Variants in MGST1 observed in about 807,000 individuals in gnomAD.
MGST1 encodes glutathione S-transferase 12.
Under a neutral mutation model 8.9 loss-of-function variants are expected in MGST1, and 5 were observed. The ratio of observed to expected loss-of-function variants is 0.56; its 90% CI spans 0.29 to 1.19. MGST1 has a LOEUF of 1.19. Ranked by LOEUF, MGST1 falls within the 50% of genes most tolerant of loss-of-function variation. The pLI is 0.08. For missense variants in MGST1, 182 were observed against 187.4 expected (o/e 0.97, Z 0.17); for synonymous variants, 54 against 67.8 (o/e 0.80, Z 1.00).
At chr12:16,367,259 G>C (rs902607811), downstream of MGST1, 3 of 152,080 alleles carry the variant, frequency 2.0e-5, no homozygotes, top group African/African-American at 7.2e-5. Flanking sequence ...AAGGCTGAGA[G>C]ATCCTTGTTG....
intron 4 of MGST1, among the ~76,000 whole-genome samples, chr12:16,448,688 T>C (rs554432817): frequency 7.1e-4 from 108 of 152,096 alleles, no homozygotes; most frequent in African/African-American, 2.5e-3. Flanking sequence ...GCTGACTCTA[T>C]TCTTATTTAC....
chr12:16,523,618 G>C (rs1941663217), intron 4 of MGST1, among the ~76,000 whole-genome samples: 1 of 152,010 alleles, frequency 6.6e-6, no homozygotes, highest in East Asian at 1.9e-4. Context: ...TTATGATTCT[G>C]TCTTACATGC....
chr12:16,547,930 T>C lies in MGST1; in HGVS notation n.483-41598T>C, dbSNP rs955828470. Among the ~76,000 whole-genome samples the C allele has an allele frequency of 1.3e-5, 2 of 152,202 alleles. No individual in the cohort carries two copies. The highest frequency in any genetic ancestry group is 2.9e-5 in the Non-Finnish European group (2 of 68,028). On this transcript the variant is annotated intron_variant and non_coding_transcript_variant, in intron 4 of 4. Transcript: ENST00000538857. This position sits in a 1 kb window ranked among gnomAD's most constrained non-coding sequence, Gnocchi z 4.6. ...TAGTTAAAAGGAAAACACTTTTGCA[T>C]GGCATGTTTTACTACAGATATAATT...
intron 1 of MGST1, among the ~76,000 whole-genome samples, chr12:16,417,729 T>C (rs1395984248): frequency 6.6e-6 from 1 of 152,136 alleles, no homozygotes; most frequent in African/African-American, 2.4e-5. Flanking sequence ...AATAAGGGCC[T>C]AGATATTTGG....
At chr12:16,416,289 G>A (rs1000491467) in intron 1 of MGST1, among the ~76,000 whole-genome samples, 5 of 152,116 alleles carry the variant, frequency 3.3e-5, no homozygotes, top group African/African-American at 9.7e-5. Context: ...TGATGTGAAT[G>A]AAGATAGTTT....
intron 1 of MGST1, among the ~76,000 whole-genome samples, chr12:16,434,069 A>C (rs1425010762): frequency 6.6e-6 from 1 of 152,120 alleles, no homozygotes; most frequent in Non-Finnish European, 1.5e-5. Flanking sequence ...CACTGCATTG[A>C]CTAATTAAGG....
chr12:16,565,085 G>T (rs1009648483), intron 4 of MGST1, among the ~76,000 whole-genome samples: 1 of 151,992 alleles, frequency 6.6e-6, no homozygotes, highest in African/African-American at 2.4e-5. Context: ...CACTATGCCC[G>T]GTCTAGTATT....
intron 2 of MGST1, 86 bp downstream of exon 2, chr12:16,354,464 G>A: frequency 7.2e-7 from 1 of 1,396,552 alleles, no homozygotes; most frequent in Non-Finnish European, 9.8e-7. Flanking sequence ...TTTTATTTTT[G>A]GTAAAGCCCA....
At chr12:16,476,857 G>A (rs1431531459) in intron 4 of MGST1, among the ~76,000 whole-genome samples, 2 of 152,032 alleles carry the variant, frequency 1.3e-5, no homozygotes, top group African/African-American at 2.4e-5. Flanking sequence ...AGAAAGAAGA[G>A]GATTTCTGTA....
At chr12:16,558,124 T>C (rs1482732900) in intron 4 of MGST1, among the ~76,000 whole-genome samples, 1 of 152,046 alleles carries the variant, frequency 6.6e-6, no homozygotes, top group Admixed American at 6.5e-5. Context: ...AGTGAAAAAG[T>C]CCAAATATCA....
intron 4 of MGST1, among the ~76,000 whole-genome samples, chr12:16,523,192 T>C (rs1941659720): frequency 6.6e-6 from 1 of 152,004 alleles, no homozygotes; most frequent in Admixed American, 6.6e-5. Context: ...CCAAACCACT[T>C]ACGGGTTTGA....
intron 4 of MGST1, among the ~76,000 whole-genome samples, chr12:16,460,879 C>A (rs1305146603): frequency 6.6e-6 from 1 of 152,002 alleles, no homozygotes; most frequent in African/African-American, 2.4e-5. Flanking sequence ...GGCTTTATAG[C>A]AGGCTGTTAA....
rs1243597358 is a variant in MGST1, at chr12:16,401,250, C to G, written n.778+17646C>G. ...CATAGGTTTTCTCTTCTGGCTTTTT[C>G]CCCTCCTTGTTAGTCAGGTCTGAGA... On this transcript the variant is annotated intron_variant and non_coding_transcript_variant, in intron 1 of 1. Coordinates refer to the MGST1 transcript ENST00000359720. The surrounding 1 kb of genome is among the most constrained non-coding windows in gnomAD (Gnocchi z 4.3). The G allele has an allele frequency of 2.6e-6, 4 of 1,566,802 alleles. No homozygotes were observed. Among genetic ancestry groups the G allele is most frequent in the Non-Finnish European group, 3.5e-6 (4 of 1,139,790 alleles).
intron 4 of MGST1, among the ~76,000 whole-genome samples, chr12:16,581,615 T>C (rs1393277556): frequency 6.6e-6 from 1 of 152,186 alleles, no homozygotes; most frequent in African/African-American, 2.4e-5. Flanking sequence ...TTCACAATGT[T>C]AAAACAAACA....
rs1399771020 is a variant in MGST1, at chr12:16,503,178, C to T, written n.483-86350C>T. On this transcript the variant is annotated intron_variant and non_coding_transcript_variant, in intron 4 of 4. Transcript: ENST00000538857. This position sits in a 1 kb window ranked among gnomAD's most constrained non-coding sequence, Gnocchi z 4.8. ...GGTTTATCTTCCCCCACCCTCCCCC[C>T]TTTTTGTTTCTTCTCTTATTGTTAT... is the stretch of plus-strand genomic sequence containing the variant. Among the ~76,000 whole-genome samples the T allele has an allele frequency of 6.6e-6, 1 of 152,078 alleles. No individual in the cohort carries two copies. The highest frequency in any genetic ancestry group is 1.5e-5 in the Non-Finnish European group (1 of 68,020).
Position 16,585,666 on chromosome 12 carries a change from T to C in MGST1, n.483-3862T>C, listed in dbSNP as rs1443344780. ...CATTCCAATTATTTAAGTGATTTCA[T>C]TTGAATGATGTCAAAACTAATCCTC... On this transcript the variant is annotated intron_variant and non_coding_transcript_variant, in intron 4 of 4. Transcript: ENST00000538857. This position sits in a 1 kb window ranked among gnomAD's most constrained non-coding sequence, Gnocchi z 4.7. Among the ~76,000 whole-genome samples the C allele has an allele frequency of 2.0e-5, 3 of 152,190 alleles. No homozygotes were observed. Among genetic ancestry groups the C allele is most frequent in the Non-Finnish European group, 4.4e-5 (3 of 68,032 alleles).
upstream of MGST1, among the ~76,000 whole-genome samples, chr12:16,382,298 A>T (rs1288922794): frequency 6.6e-6 from 1 of 152,028 alleles, no homozygotes; most frequent in African/African-American, 2.4e-5. Context: ...GATGATGGTG[A>T]CATACAGATG....
chr12:16,405,828 T>C (rs988583240), intron 1 of MGST1, among the ~76,000 whole-genome samples: 5 of 152,170 alleles, frequency 3.3e-5, no homozygotes, highest in African/African-American at 1.2e-4. Flanking sequence ...ATCGTCTAAA[T>C]AGACATAGAA....
intron 4 of MGST1, among the ~76,000 whole-genome samples, chr12:16,540,237 C>G (rs1941784685): frequency 6.6e-6 from 1 of 152,196 alleles, no homozygotes; most frequent in Non-Finnish European, 1.5e-5. Flanking sequence ...CCACCCTTTT[C>G]TTTCCAGGCT....
Sources: gnomAD v4.1 joint callset for allele counts (sites outside exome capture counted in the v4.1 genomes callset) on GRCh38, gnomAD v4.1.1 for gene constraint, Gnocchi (gnomAD v3.1) non-coding constraint, MANE v1.5 for transcripts, NCBI Gene and HGNC (gene_info 2026-07-23, HGNC 2026-07-21) for gene names.